Variants in MAN2B2 observed in about 807,000 individuals in gnomAD.
The protein encoded by MAN2B2 is epididymis-specific alpha-mannosidase.
A neutral mutation model predicts 117.1 loss-of-function variants in MAN2B2; 106 were observed. The observed-to-expected ratio is 0.90, with a 90% CI of 0.77 to 1.06. The LOEUF (loss-of-function observed/expected upper bound fraction) is 1.06. Ranked by LOEUF, MAN2B2 falls within the 50% of genes least tolerant of loss-of-function variation. The pLI is 0.00. For synonymous variants in MAN2B2, 544 were observed against 595.1 expected (o/e 0.91, Z 1.25); for missense variants, 1,326 against 1,381.4 (o/e 0.96, Z 0.64).
chr4:6,605,408 C>T (rs1727505777), intron 11 of MAN2B2, 79 bp downstream of exon 11: 7 of 1,488,000 alleles, frequency 4.7e-6, no homozygotes, highest in Non-Finnish European at 4.5e-6. Flanking sequence ...CTGGATTCTC[C>T]ATTTGCTCAC....
chr4:6,617,439 T>C lies in MAN2B2; in HGVS notation c.2761T>C (p.Tyr921His). 1.2e-6 allele frequency: 2 copies of C among 1,614,128 alleles called. No homozygotes were observed. The highest frequency in any genetic ancestry group is 2.7e-5 in the African/African-American group (2 of 75,032). Residue 921 changes from tyrosine (Y) to histidine (H), a missense_variant, in exon 17 of 19, where the codon TAT (tyrosine) becomes CAT (histidine). By Grantham distance (83) the Tyr-to-His change is moderately conservative. Transcript: ENST00000285599. ...TGTCCTGCTGCGGCTCTACCACCTA[T>C]ATGAAGTGGGCGAGGACCCAGTCCT... ...RRVLLRLYHL[Y>H]EVGEDPVLSQ...
At chr4:6,601,825 G>A (rs2108748734) in intron 10 of MAN2B2, among the ~76,000 whole-genome samples, 1 of 152,294 alleles carries the variant, frequency 6.6e-6, no homozygotes, top group Admixed American at 6.5e-5. Flanking sequence ...AGTCCCTGAG[G>A]TCACACAGCT....
At chr4:6,610,849 A>T (rs773171267) in intron 13 of MAN2B2, 31 bp from the exon 14 acceptor site, 1 of 1,607,116 alleles carries the variant, frequency 6.2e-7, no homozygotes, top group African/African-American at 1.3e-5. Context: ...CTTTGCCCCA[A>T]TCGCCCACCT....
Position 6,579,307 on chromosome 4 carries a change from C to CCAT in MAN2B2, c.391+811_391+812insTCA, listed in dbSNP as rs1560635039. ...ATCACCATCACCACCACCATCACCA[C>CCAT]CACCACCACCATCACCACCACCACC... On this transcript the variant is annotated intron_variant, in intron 3 of 18. Transcript: ENST00000285599. Among the ~76,000 whole-genome samples, 575 of 66,418 alleles carry CCAT rather than the reference C, an allele frequency of 8.7e-3. 8 individuals carry two copies. The highest frequency in any genetic ancestry group is 0.012 in the Non-Finnish European group (352 of 29,940). The allele number at this position is 66,418 out of a possible 152,430, so 43.6% of individuals were successfully genotyped here. A position where few individuals can be genotyped will look rare whatever the true frequency, so the allele number is the denominator to read the frequency against.
chr4:6,610,126 G>A, intron 13 of MAN2B2, 76 bp downstream of exon 13: 1 of 1,528,734 alleles, frequency 6.5e-7, no homozygotes, highest in South Asian at 1.2e-5. Flanking sequence ...AATTGCAGCA[G>A]TAGAGGCCAG....
intron 5 of MAN2B2, among the ~76,000 whole-genome samples, chr4:6,592,279 T>C (rs1726888505): frequency 6.6e-6 from 1 of 152,194 alleles, no homozygotes; most frequent in African/African-American, 2.4e-5. Flanking sequence ...ATGACTTTCA[T>C]TTAATCCTCA....
chr4:6,604,353 G>A (rs778356086), intron 10 of MAN2B2, among the ~76,000 whole-genome samples: 22 of 152,014 alleles, frequency 1.4e-4, no homozygotes, highest in Non-Finnish European at 2.9e-4. Context: ...CAGTTACCTA[G>A]GGAGGGGCCA....
At position 6,596,249 on chromosome 4, in the gene MAN2B2, G is replaced by GC. The variant is rs939300634; in HGVS notation, c.1058-860dup. 5.4e-4 allele frequency among the ~76,000 whole-genome samples: 81 copies of GC among 151,378 alleles called. 1 individual carries two copies. The Middle Eastern group carries it at 0.01, about 19-fold the overall frequency. On this transcript the variant is annotated intron_variant, in intron 7 of 18. Coordinates refer to ENST00000285599, the MANE Select transcript of MAN2B2 (RefSeq NM_015274.3). Reference sequence around the variant, plus strand: ...TCGTGATGACCACTGAGGATGTGGAGCCCCTGCCAGACTGAATGGAATCGG... The same window carrying GC: ...TCGTGATGACCACTGAGGATGTGGAGCCCCCTGCCAGACTGAATGGAATCGG...
chr4:6,594,567 C>A lies in MAN2B2; in HGVS notation c.892C>A (p.Gln298Lys). The change falls in exon 7 of 19, where the codon CAG (glutamine) becomes AAG (lysine). Residue 298 changes from glutamine to lysine, a missense_variant. Coordinates refer to ENST00000285599, the MANE Select transcript of MAN2B2 (RefSeq NM_015274.3). ...CDKQFFNASVQFANMDPLLDH... is the reference protein window; with the variant it reads ...CDKQFFNASVKFANMDPLLDH... Reference sequence around the variant, plus strand: ...CAAGCAGTTCTTCAATGCCTCGGTGCAGTTTGCCAACATGGACCCGCTGCT... The same window carrying A: ...CAAGCAGTTCTTCAATGCCTCGGTGAAGTTTGCCAACATGGACCCGCTGCT... 1 of 1,613,630 alleles carries A rather than the reference C, an allele frequency of 6.2e-7. No individual in the cohort carries two copies. Among genetic ancestry groups the A allele is most frequent in the Non-Finnish European group, 8.5e-7 (1 of 1,180,028 alleles).
intron 3 of MAN2B2, among the ~76,000 whole-genome samples, chr4:6,585,330 A>G (rs1455368202): frequency 2.0e-5 from 3 of 152,208 alleles, no homozygotes; most frequent in African/African-American, 7.2e-5. Flanking sequence ...ACTCTAGATC[A>G]GTTATGAGAG....
intron 5 of MAN2B2, among the ~76,000 whole-genome samples, chr4:6,590,860 C>T (rs536525067): frequency 5.1e-4 from 78 of 152,232 alleles, no homozygotes; most frequent in African/African-American, 1.7e-3. Context: ...TGAAGAAGGC[C>T]GGAGGAGGCC....
intron 10 of MAN2B2, among the ~76,000 whole-genome samples, chr4:6,601,241 C>T (rs187991800): frequency 2.6e-5 from 4 of 152,334 alleles, no homozygotes; most frequent in South Asian, 2.1e-4. Context: ...TGGTGGCTCA[C>T]GCCTGTAATC....
chr4:6,613,550 G>C (rs1440784700), intron 15 of MAN2B2, among the ~76,000 whole-genome samples: 2 of 144,410 alleles, frequency 1.4e-5, no homozygotes, highest in African/African-American at 2.5e-5. Flanking sequence ...ACTCTGGCCT[G>C]AGTGACACAG....
rs757099915 is a variant in MAN2B2, at chr4:6,598,259, C to T, written c.1310C>T (p.Thr437Met). 30 of 1,613,774 alleles carry T rather than the reference C, an allele frequency of 1.9e-5. No individual in the cohort carries two copies. Among genetic ancestry groups the T allele is most frequent in the East Asian group, 2.2e-5 (1 of 44,884 alleles). Residue 437 changes from threonine to methionine, a missense_variant, in exon 9 of 19, where the codon ACG becomes ATG. Coordinates refer to ENST00000285599, the MANE Select transcript of MAN2B2 (RefSeq NM_015274.3). Reference protein sequence around the residue: ...ESPKVRDMYATHLASGMLGMR... With the variant: ...ESPKVRDMYAMHLASGMLGMR... ...CCCAAGGTGAGAGACATGTACGCAA[C>T]GCACCTGGCCTCGGGGATGCTGGGC...
intron 14 of MAN2B2, 46 bp downstream of exon 14, chr4:6,611,036 C>T: frequency 6.2e-7 from 1 of 1,612,230 alleles, no homozygotes. Context: ...CGGCCCCCTA[C>T]AGGCATGCCC....
At chr4:6,579,141 T>G (rs201200864) in intron 3 of MAN2B2, among the ~76,000 whole-genome samples, 3 of 23,984 alleles carry the variant, frequency 1.3e-4, no homozygotes, top group Admixed American at 4.2e-4. Context: ...ACCACCACCA[T>G]CACCACCACC....
intron 11 of MAN2B2, among the ~76,000 whole-genome samples, chr4:6,605,912 CATT>C (rs1727527380): frequency 4.6e-5 from 2 of 43,424 alleles, no homozygotes; most frequent in East Asian, 2.7e-3. Flanking sequence ...CCCAACCACC[CATT>C]CATTCATTCA....
intron 7 of MAN2B2, among the ~76,000 whole-genome samples, chr4:6,595,005 G>A (rs1480394301): frequency 6.6e-6 from 1 of 152,228 alleles, no homozygotes; most frequent in African/African-American, 2.4e-5. Context: ...CCTTTGCACA[G>A]GTGGTGCCTC....
At chr4:6,585,280 G>T (rs982109993) in intron 3 of MAN2B2, among the ~76,000 whole-genome samples, 7 of 152,092 alleles carry the variant, frequency 4.6e-5, no homozygotes, top group African/African-American at 1.7e-4. Context: ...GCTCAGCCAG[G>T]GTCCCCAGGA....
Sources: allele counts gnomAD v4.1 joint callset (sites outside exome capture counted in the v4.1 genomes callset), GRCh38; gene constraint gnomAD v4.1.1; transcripts MANE v1.5; gene names NCBI Gene and HGNC (gene_info 2026-07-23, HGNC 2026-07-21).